TSEN54: variants seen among roughly 807,000 people sequenced by gnomAD.
TSEN54 encodes the protein tRNA splicing endonuclease subunit 54.
A neutral mutation model predicts 61.9 loss-of-function variants in TSEN54; 55 were observed. The ratio of observed to expected loss-of-function variants is 0.89; its 90% CI spans 0.72 to 1.11. The LOEUF (loss-of-function observed/expected upper bound fraction) is 1.11. Among genes scored for constraint, TSEN54 ranks in the 50% most tolerant of loss-of-function variants. The pLI is 0.00. For missense variants in TSEN54, 760 were observed against 687.7 expected, an observed-to-expected ratio of 1.11 and a Z score of -1.18; for synonymous variants, 304 against 288.7, an observed-to-expected ratio of 1.05 and a Z score of -0.54.
chr17:75,521,577 C>A, intron 7 of TSEN54, 67 bp downstream of exon 7: 1 of 1,582,606 alleles, frequency 6.3e-7, no homozygotes, highest in Non-Finnish European at 8.7e-7. Flanking sequence ...AATGCACAGG[C>A]TTTCTAAGAA....
In TSEN54 at chr17:75,522,268, G is replaced by A. The variant is rs754047235; in HGVS notation, c.1187G>A (p.Arg396Gln). The A allele has an allele frequency of 1.7e-5, 26 of 1,546,614 alleles. No individual in the cohort carries two copies. The highest frequency in any genetic ancestry group is 9.8e-5 in the Admixed American group (5 of 50,956). The change falls in exon 8 of 11, where the codon CGG becomes CAG. Residue 396 changes from arginine to glutamine, a missense_variant. This residue lies in a region of TSEN54 where 667 missense variants were observed against 577.8 expected (regional missense o/e 1.15). Transcript: ENST00000333213. ...CGGCAGGTGCAGAGGAGCCAGCGCC[G>A]GGCCCCTCACCTGTGGGGCCAGCCC... is the stretch of plus-strand genomic sequence containing the variant. ...QRRQVQRSQRRAPHLWGQPVT... is the reference protein window; with the variant it reads ...QRRQVQRSQRQAPHLWGQPVT...
intron 4 of TSEN54, 123 bp from the exon 5 acceptor site, chr17:75,517,434 T>G (rs2053384508): frequency 8.5e-7 from 1 of 1,178,332 alleles, no homozygotes; most frequent in African/African-American, 1.5e-5. Flanking sequence ...CTTTCCTGGT[T>G]GGCCACATTC....
intron 6 of TSEN54, among the ~76,000 whole-genome samples, chr17:75,520,783 G>T (rs2053419461): frequency 6.6e-6 from 1 of 151,880 alleles, no homozygotes; most frequent in Admixed American, 6.6e-5. Flanking sequence ...GTGAAACCTT[G>T]TCTCTACTAA....
Position 75,519,055 on chromosome 17 carries a change from C to T in TSEN54, c.521+8C>T. On this transcript the variant is annotated splice_region_variant and intron_variant, in intron 6 of 10. Coordinates refer to ENST00000333213, the MANE Select transcript of TSEN54 (RefSeq NM_207346.3). ...TCGACGATTCCAACCAAGGTAAATC[C>T]CCTTCCTGTTCCCCTTCCATATATT... 6.2e-7 allele frequency: 1 copy of T among 1,613,976 alleles called. No individual in the cohort carries two copies. The highest frequency in any genetic ancestry group is 1.7e-5 in the Admixed American group (1 of 60,004).
chr17:75,518,439 C>G, intron 5 of TSEN54: 1 of 832,240 alleles, frequency 1.2e-6, no homozygotes, highest in Non-Finnish European at 1.4e-6. Context: ...AAAGTCGCAT[C>G]ACAGAAGCCA....
At chr17:75,520,708 CA>C (rs943411408) in intron 6 of TSEN54, among the ~76,000 whole-genome samples, 1 of 152,072 alleles carries the variant, frequency 6.6e-6, no homozygotes, top group Non-Finnish European at 1.5e-5. Flanking sequence ...GTAATCCCAG[CA>C]CTTTAGGAGG....
Position 75,523,470 on chromosome 17 carries a change from A to G in TSEN54, c.1313+135A>G, listed in dbSNP as rs1223956883. On this transcript the variant is annotated intron_variant, in intron 9 of 10. Transcript: ENST00000333213. Reference sequence around the variant, plus strand: ...CTACCCCTACGCCTAGCTCTGAGCAATAACTAGTGTTCGTGTGTGTCTAGG... The same window carrying G: ...CTACCCCTACGCCTAGCTCTGAGCAGTAACTAGTGTTCGTGTGTGTCTAGG... 47 of 1,598,808 alleles carry G rather than the reference A, an allele frequency of 2.9e-5. 1 individual carries two copies. In the South Asian group the frequency reaches 3.2e-4, roughly 11 times the overall value.
Position 75,516,618 on chromosome 17 carries a change from T to TGCGGC in TSEN54, c.56+8_56+12dup. On this transcript the variant is annotated splice_region_variant and intron_variant, in intron 1 of 10. Coordinates refer to ENST00000333213, the MANE Select transcript of TSEN54 (RefSeq NM_207346.3). ...GGTTCCCGCGGGGCGCGTGCTCAGG[T>TGCGGC]GCGGCGCGGCCCGGCCGGAGTGGGT... is the stretch of plus-strand genomic sequence containing the variant. The TGCGGC allele has an allele frequency of 2.5e-6, 3 of 1,189,650 alleles. No homozygotes were observed. The highest frequency in any genetic ancestry group is 3.1e-6 in the Non-Finnish European group (3 of 962,402). The allele number at this position is 1,189,650 out of a possible 1,614,324, so 73.7% of individuals were successfully genotyped here.
In TSEN54 at chr17:75,523,869, G is replaced by A. The variant is rs1449379248; in HGVS notation, c.1430+90G>A. ...ACTCCTCTGTACTCCCCTGGCCAGC[G>A]TGCCAATCTCTGAGAGGAACAGGAG... On this transcript the variant is annotated intron_variant, in intron 10 of 10. Coordinates refer to ENST00000333213, the MANE Select transcript of TSEN54 (RefSeq NM_207346.3). 13 of 1,428,238 alleles carry A rather than the reference G, an allele frequency of 9.1e-6. No homozygotes were observed. In the Admixed American group the frequency reaches 9.7e-5, roughly 11 times the overall value. 88.5% of individuals were successfully genotyped at this position (1,428,238 alleles called of 1,614,324 possible). A position where few individuals can be genotyped will look rare whatever the true frequency, so the allele number is the denominator to read the frequency against.
chr17:75,523,523 C>A (rs1404293812), intron 9 of TSEN54, 140 bp from the exon 10 acceptor site: 5 of 1,604,436 alleles, frequency 3.1e-6, no homozygotes, highest in Non-Finnish European at 4.3e-6. Flanking sequence ...AGTGGGTTAG[C>A]CCAAGGGTTC....
chr17:75,517,794 C>A, intron 5 of TSEN54, 139 bp downstream of exon 5: 1 of 766,882 alleles, frequency 1.3e-6, no homozygotes, highest in Non-Finnish European at 2.2e-6. Context: ...ACGAGGCTTA[C>A]ATTGTGGTGG....
chr17:75,520,415 CAAA>C (rs917844314), intron 6 of TSEN54, among the ~76,000 whole-genome samples: 7 of 91,758 alleles, frequency 7.6e-5, no homozygotes, highest in Non-Finnish European at 1.1e-4. Context: ...ACTAAAATAC[CAAA>C]AAAAAAAAAA....
At chr17:75,524,105 C>G (rs2053469941) in intron 10 of TSEN54, among the ~76,000 whole-genome samples, 157 bp from the exon 11 acceptor site, 2 of 152,238 alleles carry the variant, frequency 1.3e-5, no homozygotes, top group Admixed American at 6.5e-5. Context: ...AACCAGTGCT[C>G]TGGGGCGCTC....
rs1156704069 is a variant in TSEN54 at position 75,516,811 on chromosome 17, A to G, written c.122A>G (p.Lys41Arg). The G allele has an allele frequency of 6.3e-6, 10 of 1,593,540 alleles. No individual in the cohort carries two copies. Among genetic ancestry groups the G allele is most frequent in the East Asian group, 2.2e-5 (1 of 44,674 alleles). ...QKLPQRSHGPKDFLPDGSAAQ... is the reference protein window; with the variant it reads ...QKLPQRSHGPRDFLPDGSAAQ... Reference sequence around the variant, plus strand: ...CTGCCCCAGCGCTCGCATGGCCCCAAGGACTTTCTGCCCGACGGCTCGGCA... The same window carrying G: ...CTGCCCCAGCGCTCGCATGGCCCCAGGGACTTTCTGCCCGACGGCTCGGCA... The change falls in exon 2 of 11, where the codon AAG becomes AGG. Residue 41 changes from lysine to arginine, a missense_variant. Physicochemically the swap from Lys to Arg is conservative, Grantham distance 26. Around this residue, in one of 3 missense-constraint regions of TSEN54, gnomAD observed 667 missense variants for 577.8 expected, o/e 1.15. Transcript: ENST00000333213.
In TSEN54 at chr17:75,516,740, C is replaced by A; in HGVS notation, c.57-6C>A. On this transcript the variant is annotated splice_region_variant and splice_polypyrimidine_tract_variant and intron_variant, in intron 1 of 10. Transcript: ENST00000333213. ...GGCGCTGACCCCGCGTCCCCTTCTC[C>A]CCCAGCGCCCGGGAGCTCTTCGCCG... 6.4e-7 allele frequency: 1 copy of A among 1,553,898 alleles called. No individual in the cohort carries two copies. The highest frequency in any genetic ancestry group is 8.6e-7 in the Non-Finnish European group (1 of 1,158,552).
intron 6 of TSEN54, among the ~76,000 whole-genome samples, chr17:75,519,815 C>T (rs552573625): frequency 6.6e-6 from 1 of 152,276 alleles, no homozygotes; most frequent in East Asian, 1.9e-4. Context: ...TCAAATGATC[C>T]TCCCGCCTCA....
At position 75,517,697 on chromosome 17, in the gene TSEN54, G is replaced by A. The variant is rs774685385; in HGVS notation, c.468+42G>A. 5.3e-6 allele frequency: 8 copies of A among 1,515,514 alleles called. No homozygotes were observed. The African/African-American group carries it at 8.3e-5, about 16-fold the overall frequency. 93.9% of individuals were successfully genotyped at this position (1,515,514 alleles called of 1,614,324 possible). On this transcript the variant is annotated intron_variant, in intron 5 of 10. Coordinates refer to ENST00000333213, the MANE Select transcript of TSEN54 (RefSeq NM_207346.3). The stretch of plus-strand genomic sequence containing the variant: ...CGCCTCCGGGAGCCACCCATCCACT[G>A]AATCAATGAGTATTGACAAGTACCC...
chr17:75,521,844 G>C lies in TSEN54; in HGVS notation c.763G>C (p.Gly255Arg), dbSNP rs866872319. 6.2e-7 allele frequency: 1 copy of C among 1,612,432 alleles called. No homozygotes were observed. Residue 255 changes from glycine (G) to arginine (R), a missense_variant, in exon 8 of 11, where the codon GGG becomes CGG. Around this residue, in one of 3 missense-constraint regions of TSEN54, gnomAD observed 667 missense variants for 577.8 expected, o/e 1.15. Transcript: ENST00000333213. The stretch of plus-strand genomic sequence containing the variant: ...GGAGTCAAGCCCCATGAAGGGCCCA[G>C]GGGGCCCCTTTCAGCTTCTGGGGTC... ...PQESSPMKGP[G>R]GPFQLLGSLG...
Position 75,524,603 on chromosome 17 carries a change from T to G in TSEN54, c.*191T>G. 1 of 752,872 alleles carries G rather than the reference T, an allele frequency of 1.3e-6. No homozygotes were observed. The highest frequency in any genetic ancestry group is 1.5e-5 in the South Asian group (1 of 67,822). The allele number at this position is 752,872 out of a possible 1,614,324, so 46.6% of individuals were successfully genotyped here. The stretch of plus-strand genomic sequence containing the variant: ...CTCTCCCTTCCCTGCTGCCTTGCAG[T>G]GACCCCTCTGGAACTCAGGACTCGA... On this transcript the variant is annotated 3_prime_UTR_variant, in exon 11 of 11. Coordinates refer to ENST00000333213, the MANE Select transcript of TSEN54 (RefSeq NM_207346.3).
Sources: gnomAD v4.1 joint callset for allele counts (sites outside exome capture counted in the v4.1 genomes callset) on GRCh38, gnomAD v4.1.1 for gene constraint, gnomAD v4.1.1 regional missense constraint, MANE v1.5 for transcripts, NCBI Gene and HGNC (gene_info 2026-07-23, HGNC 2026-07-21) for gene names.